Variants in LGR5 observed in about 807,000 individuals in gnomAD.
The protein encoded by LGR5 is leucine-rich repeat-containing G protein-coupled receptor 5.
A neutral mutation model predicts 76.7 loss-of-function variants in LGR5; 54 were observed. That is an observed-to-expected ratio of 0.70 (90% CI 0.57 to 0.88). The LOEUF (loss-of-function observed/expected upper bound fraction) is 0.88, where lower values mean the gene tolerates loss of function less well. LGR5 is among the 40% of genes least tolerant of loss of function. The pLI is 0.00. For synonymous variants in LGR5, 406 were observed against 421.9 expected, an observed-to-expected ratio of 0.96 and a Z score of 0.46; for missense variants, 1,078 against 1,073.3, an observed-to-expected ratio of 1.00 and a Z score of -0.06.
At chr12:71,567,272 A>T in intron 11 of LGR5, 2 of 215,428 alleles carry the variant, frequency 9.3e-6, no homozygotes, top group South Asian at 9.0e-5. Flanking sequence ...ATGGATGCCA[A>T]AATCAAAAAC....
chr12:71,523,003 T>C (rs868319968), intron 2 of LGR5, among the ~76,000 whole-genome samples: 11 of 152,240 alleles, frequency 7.2e-5, no homozygotes, highest in Admixed American at 5.9e-4. Flanking sequence ...AGCATAATTT[T>C]TTAAAGTGTG....
At chr12:71,489,432 G>A (rs914105803) in intron 1 of LGR5, among the ~76,000 whole-genome samples, 1 of 151,966 alleles carries the variant, frequency 6.6e-6, no homozygotes, top group Non-Finnish European at 1.5e-5. Flanking sequence ...TTCCAATTCA[G>A]GTGCACAGCA....
At chr12:71,454,460 C>T (rs1405345368) in intron 1 of LGR5, among the ~76,000 whole-genome samples, 2 of 151,974 alleles carry the variant, frequency 1.3e-5, no homozygotes, top group South Asian at 2.1e-4. Context: ...CAGCAAAAGT[C>T]GAATAATTTC....
rs765873009 is a variant in LGR5, at chr12:71,583,844, G to A, written c.1834G>A (p.Val612Met). The change falls in exon 18 of 18, where the codon GTG (valine) becomes ATG (methionine). Residue 612 changes from valine to methionine, a missense_variant. Transcript: ENST00000266674. ...CATGCTCACGGGAGTCTCCAGTGCC[G>A]TGCTGGCTGGTGTGGATGCGTTCAC... ...VNMLTGVSSA[V>M]LAGVDAFTFG... 224 of 1,614,136 alleles carry A rather than the reference G, an allele frequency of 1.4e-4. No individual in the cohort carries two copies. Among genetic ancestry groups the A allele is most frequent in the East Asian group, 4.9e-4 (22 of 44,878 alleles).
intron 3 of LGR5, among the ~76,000 whole-genome samples, chr12:71,534,262 T>C (rs955901403): frequency 1.3e-5 from 2 of 152,240 alleles, no homozygotes; most frequent in Non-Finnish European, 2.9e-5. Context: ...GTTTCCATGC[T>C]ATTTCCTCAT....
At chr12:71,560,759 C>G (rs113447512) in intron 7 of LGR5, among the ~76,000 whole-genome samples, 3,611 of 152,274 alleles carry the variant, frequency 0.024, 76 homozygotes, top group African/African-American at 0.062. Context: ...CACCACTGCA[C>G]TCCAGCCTGG....
At chr12:71,468,095 G>T (rs1157190438) in intron 1 of LGR5, among the ~76,000 whole-genome samples, 1 of 152,118 alleles carries the variant, frequency 6.6e-6, no homozygotes, top group Non-Finnish European at 1.5e-5. Flanking sequence ...TATTTATTTT[G>T]ATGGCCAGAA....
At chr12:71,561,677 G>A in intron 7 of LGR5, 104 bp from the exon 8 acceptor site, 1 of 553,420 alleles carries the variant, frequency 1.8e-6, no homozygotes, top group African/African-American at 1.9e-5. Flanking sequence ...ATTGTCCTCT[G>A]GTTACTAAAG....
At chr12:71,472,164 T>C (rs1035396455) in intron 1 of LGR5, among the ~76,000 whole-genome samples, 1 of 152,186 alleles carries the variant, frequency 6.6e-6, no homozygotes, top group Admixed American at 6.5e-5. Flanking sequence ...TTTTTAAACA[T>C]AGTGATGTGC....
intron 11 of LGR5, chr12:71,567,283 T>G: frequency 4.7e-6 from 1 of 214,140 alleles, no homozygotes; most frequent in Admixed American, 5.3e-5. Context: ...AATCAAAAAC[T>G]GAGATCTCAG....
At chr12:71,475,150 C>T (rs562623867) in intron 1 of LGR5, among the ~76,000 whole-genome samples, 1 of 151,922 alleles carries the variant, frequency 6.6e-6, no homozygotes, top group Non-Finnish European at 1.5e-5. Flanking sequence ...AATGAAAGAA[C>T]GTGTGAAGAA....
At chr12:71,553,892 G>A (rs1278837515) in intron 5 of LGR5, among the ~76,000 whole-genome samples, 3 of 152,078 alleles carry the variant, frequency 2.0e-5, no homozygotes, top group Admixed American at 6.5e-5. Flanking sequence ...GGAGTTCGAG[G>A]CCAGCCTGGT....
chr12:71,579,106 C>T lies in LGR5; in HGVS notation c.1406+177C>T, dbSNP rs554849546. The stretch of plus-strand genomic sequence containing the variant: ...CAAGCCCTGAAGTGGGAAAATGTGT[C>T]CTCCTGACCATATTTCCTTTCCTTC... On this transcript the variant is annotated intron_variant, in intron 15 of 17. Coordinates refer to ENST00000266674, the MANE Select transcript of LGR5 (RefSeq NM_003667.4). Among the ~76,000 whole-genome samples the T allele has an allele frequency of 3.9e-3, 594 of 152,308 alleles. 8 individuals are homozygous for T. Among genetic ancestry groups the T allele is most frequent in the African/African-American group, 0.013 (539 of 41,562 alleles).
chr12:71,546,913 C>T (rs1398772456), intron 4 of LGR5, among the ~76,000 whole-genome samples: 1 of 152,172 alleles, frequency 6.6e-6, no homozygotes, highest in Non-Finnish European at 1.5e-5. Flanking sequence ...ATTGAGGCCC[C>T]TCAGGGTGAA....
chr12:71,559,925 C>T (rs569551895), intron 7 of LGR5, among the ~76,000 whole-genome samples: 1 of 152,182 alleles, frequency 6.6e-6, no homozygotes, highest in South Asian at 2.1e-4. Flanking sequence ...CTAAGCCATA[C>T]ATACTCTCCC....
rs1878587928 is a variant in LGR5 at position 71,571,044 on chromosome 12, C to T, written c.1071-470C>T. On this transcript the variant is annotated intron_variant, in intron 11 of 17. Transcript: ENST00000266674. ...TTTGGCTGAAGATTTTCTTAGATTC[C>T]GTTCCCCCACCTCCTTCTTGTAGTG... Among the ~76,000 whole-genome samples, 3 of 152,044 alleles carry T rather than the reference C, an allele frequency of 2.0e-5. No homozygotes were observed. The South Asian group carries it at 6.2e-4, about 32-fold the overall frequency.
At chr12:71,508,340 C>T (rs1173962710) in intron 2 of LGR5, among the ~76,000 whole-genome samples, 1 of 152,200 alleles carries the variant, frequency 6.6e-6, no homozygotes, top group Admixed American at 6.5e-5. Context: ...ATGTTATAAA[C>T]TGTGTAGATA....
chr12:71,453,517 A>G (rs953155518), intron 1 of LGR5, among the ~76,000 whole-genome samples: 3 of 150,956 alleles, frequency 2.0e-5, no homozygotes, highest in African/African-American at 7.3e-5. Flanking sequence ...TCTGACTGTG[A>G]AAGAAAAATT....
intron 2 of LGR5, among the ~76,000 whole-genome samples, chr12:71,519,729 G>T (rs1399765557): frequency 2.0e-5 from 3 of 152,100 alleles, no homozygotes; most frequent in South Asian, 2.1e-4. Context: ...GTGGGGCTGA[G>T]GCAGGAAGAT....
Sources: gnomAD v4.1 joint callset for allele counts (sites outside exome capture counted in the v4.1 genomes callset) on GRCh38, gnomAD v4.1.1 for gene constraint, MANE v1.5 for transcripts, NCBI Gene and HGNC (gene_info 2026-07-23, HGNC 2026-07-21) for gene names.